The following HDGFL3 variants were observed in gnomAD, a reference collection of about 807,000 sequenced individuals.
HDGFL3 encodes the protein HDGF like 3.
HDGFL3 carries 6 observed loss-of-function variants against 27.6 expected under a neutral mutation model. The ratio of observed to expected loss-of-function variants is 0.22; its 90% CI spans 0.12 to 0.43. The LOEUF (loss-of-function observed/expected upper bound fraction) is 0.43. HDGFL3 is among the 20% of genes least tolerant of loss of function. The pLI, the probability that HDGFL3 is intolerant of heterozygous loss-of-function variation, is 1.00. For synonymous variants in HDGFL3, 88 were observed against 88.9 expected, an observed-to-expected ratio of 0.99 and a Z score of 0.05; for missense variants, 207 against 250.1, an observed-to-expected ratio of 0.83 and a Z score of 1.16.
At chr15:83,200,956 A>T (rs1010522044) in intron 1 of HDGFL3, among the ~76,000 whole-genome samples, 1 of 151,772 alleles carries the variant, frequency 6.6e-6, no homozygotes, top group African/African-American at 2.4e-5. Context: ...AGGTAAAAAG[A>T]AGACAGAAAA....
At chr15:83,193,010 T>A (rs2151420610) in intron 1 of HDGFL3, among the ~76,000 whole-genome samples, 1 of 152,356 alleles carries the variant, frequency 6.6e-6, no homozygotes, top group Non-Finnish European at 1.5e-5. Context: ...CCACAGGACC[T>A]TACTTCATTG....
In HDGFL3 at chr15:83,171,887, A is replaced by G. The variant is rs558870826; in HGVS notation, c.85-7812T>C. On this transcript the variant is annotated intron_variant, in intron 1 of 5. Coordinates refer to ENST00000299633, the MANE Select transcript of HDGFL3 (RefSeq NM_016073.4). ...TTCCTGAATCTAAAATAAAAGTTGA[A>G]AATAAAATTAAAAGAAAAAAAGAAC... 3.9e-5 allele frequency among the ~76,000 whole-genome samples: 6 copies of G among 152,302 alleles called. No homozygotes were observed. The South Asian group carries it at 6.2e-4, about 16-fold the overall frequency.
intron 1 of HDGFL3, among the ~76,000 whole-genome samples, chr15:83,167,967 C>T (rs547273853): frequency 1.3e-5 from 2 of 152,122 alleles, no homozygotes; most frequent in East Asian, 1.9e-4. Context: ...TACTCTCAGG[C>T]CACAGTGGAA....
intron 5 of HDGFL3, among the ~76,000 whole-genome samples, chr15:83,146,715 C>T (rs1381437289): frequency 6.6e-6 from 1 of 152,198 alleles, no homozygotes; most frequent in Admixed American, 6.5e-5. Flanking sequence ...AAACACACAA[C>T]CATTGTGACC....
chr15:83,168,847 C>A (rs2037205741), intron 1 of HDGFL3, among the ~76,000 whole-genome samples: 1 of 152,098 alleles, frequency 6.6e-6, no homozygotes, highest in African/African-American at 2.4e-5. Context: ...GGCCAATATC[C>A]CTGATGAAAG....
intron 1 of HDGFL3, among the ~76,000 whole-genome samples, chr15:83,176,879 A>G (rs2037318691): frequency 7.2e-6 from 1 of 139,184 alleles, no homozygotes; most frequent in Non-Finnish European, 1.5e-5. Flanking sequence ...CAAAATGTCA[A>G]ATTTCCTATT....
At chr15:83,205,646 T>C (rs566935550) in intron 1 of HDGFL3, among the ~76,000 whole-genome samples, 1 of 152,342 alleles carries the variant, frequency 6.6e-6, no homozygotes, top group South Asian at 2.1e-4. Flanking sequence ...TAAAAAGCCA[T>C]TATGGTACTA....
chr15:83,192,793 C>T (rs1167401938), intron 1 of HDGFL3, among the ~76,000 whole-genome samples: 1 of 152,158 alleles, frequency 6.6e-6, no homozygotes, highest in Non-Finnish European at 1.5e-5. Context: ...ATCTTGACCA[C>T]CCTATATGTA....
chr15:83,167,426 C>T (rs1302484210), intron 1 of HDGFL3, among the ~76,000 whole-genome samples: 6 of 152,126 alleles, frequency 3.9e-5, no homozygotes, highest in South Asian at 4.2e-4. Flanking sequence ...GGCGTGGTGG[C>T]GGATGCCTGT....
At chr15:83,202,621 T>C (rs1009492997) in intron 1 of HDGFL3, among the ~76,000 whole-genome samples, 11 of 152,140 alleles carry the variant, frequency 7.2e-5, no homozygotes, top group African/African-American at 2.7e-4. Context: ...TAGTTCTCCT[T>C]TCTCCCTAAC....
At chr15:83,197,908 G>A (rs779641654) in intron 1 of HDGFL3, among the ~76,000 whole-genome samples, 2 of 150,664 alleles carry the variant, frequency 1.3e-5, no homozygotes, top group African/African-American at 2.4e-5. Flanking sequence ...GGTGGTGTGC[G>A]CCTGTAATCC....
chr15:83,142,410 A>G (rs2036790952), intron 5 of HDGFL3, among the ~76,000 whole-genome samples: 3 of 152,222 alleles, frequency 2.0e-5, no homozygotes, highest in Non-Finnish European at 1.5e-5. Context: ...TATCCTTAAC[A>G]AACTAACACA....
chr15:83,170,037 G>A (rs1195246044), intron 1 of HDGFL3, among the ~76,000 whole-genome samples: 2 of 152,088 alleles, frequency 1.3e-5, no homozygotes, highest in Non-Finnish European at 2.9e-5. Flanking sequence ...TCTCTACAAG[G>A]AGAACTACAA....
chr15:83,121,450 A>C (rs975800125), intron 3 of HDGFL3, among the ~76,000 whole-genome samples: 1 of 152,208 alleles, frequency 6.6e-6, no homozygotes, highest in Non-Finnish European at 1.5e-5. Context: ...AACATGGGGT[A>C]CATGTCACTT....
intron 1 of HDGFL3, among the ~76,000 whole-genome samples, chr15:83,184,130 G>T (rs2037413215): frequency 6.6e-6 from 1 of 152,158 alleles, no homozygotes; most frequent in Non-Finnish European, 1.5e-5. Flanking sequence ...TATTTTTGGT[G>T]TCAATTTCAG....
At chr15:83,178,697 A>G (rs1382658217) in intron 1 of HDGFL3, among the ~76,000 whole-genome samples, 3 of 152,124 alleles carry the variant, frequency 2.0e-5, no homozygotes, top group Non-Finnish European at 2.9e-5. Flanking sequence ...CTTCTCATAG[A>G]GCTAAGTTTC....
chr15:83,207,566 G>C lies in HDGFL3; in HGVS notation c.-152C>G, dbSNP rs985330669. 1 of 479,390 alleles carries C rather than the reference G, an allele frequency of 2.1e-6. No individual in the cohort carries two copies. Among genetic ancestry groups the C allele is most frequent in the Non-Finnish European group, 3.2e-6 (1 of 309,596 alleles). The allele number at this position is 479,390 out of a possible 1,614,324, so 29.7% of individuals were successfully genotyped here. A position where few individuals can be genotyped will look rare whatever the true frequency, so the allele number is the denominator to read the frequency against. On this transcript the variant is annotated 5_prime_UTR_variant, in exon 1 of 6. Coordinates refer to ENST00000299633, the MANE Select transcript of HDGFL3 (RefSeq NM_016073.4). This position sits in a 1 kb window ranked among gnomAD's most constrained non-coding sequence, Gnocchi z 4.8. ...CGACGAGGGGAAGCGGCGAGGCGGC[G>C]GCTGAGGCAAGGGGTGGGCGGGGGG...
chr15:83,198,561 G>A (rs1188274231), intron 1 of HDGFL3, among the ~76,000 whole-genome samples: 1 of 152,144 alleles, frequency 6.6e-6, no homozygotes, highest in East Asian at 1.9e-4. Context: ...ATGAGGCTGG[G>A]TAATTTATAA....
intron 1 of HDGFL3, among the ~76,000 whole-genome samples, chr15:83,202,323 C>A (rs1170663264): frequency 6.6e-6 from 1 of 152,018 alleles, no homozygotes; most frequent in Non-Finnish European, 1.5e-5. Flanking sequence ...ATGCTTTATT[C>A]TTATGCTTTA....
Sources: allele counts gnomAD v4.1 joint callset (sites outside exome capture counted in the v4.1 genomes callset), GRCh38; gene constraint gnomAD v4.1.1; non-coding constraint Gnocchi (gnomAD v3.1); transcripts MANE v1.5; gene names NCBI Gene and HGNC (gene_info 2026-07-23, HGNC 2026-07-21).